Variants in TMEM87A observed in about 807,000 individuals in gnomAD.
TMEM87A encodes transmembrane protein 87A, also known as Golgi-pH regulating cation channel.
Under a neutral mutation model 90.0 loss-of-function variants are expected in TMEM87A, and 50 were observed. The observed-to-expected ratio is 0.56, with a 90% CI of 0.44 to 0.70. The LOEUF (loss-of-function observed/expected upper bound fraction) is 0.70, where lower values mean the gene tolerates loss of function less well. Among genes scored for constraint, TMEM87A ranks in the 30% least tolerant of loss-of-function variants. The pLI, the probability that TMEM87A is intolerant of heterozygous loss-of-function variation, is 0.00. For synonymous variants in TMEM87A, 226 were observed against 226.7 expected, an observed-to-expected ratio of 1.00 and a Z score of 0.03; for missense variants, 577 against 660.5, an observed-to-expected ratio of 0.87 and a Z score of 1.39.
At chr15:42,262,601 G>C (rs1230899060) in intron 4 of TMEM87A, among the ~76,000 whole-genome samples, 3 of 151,892 alleles carry the variant, frequency 2.0e-5, no homozygotes, top group East Asian at 3.9e-4. Context: ...TTTTTTTGTA[G>C]AGACAGGGTT....
At chr15:42,222,493 G>A (rs1251198702) in intron 15 of TMEM87A, among the ~76,000 whole-genome samples, 1 of 152,078 alleles carries the variant, frequency 6.6e-6, no homozygotes, top group East Asian at 1.9e-4. Context: ...ACTGATGCAG[G>A]AGCAGAACAG....
rs534383749 is a variant in TMEM87A at position 42,227,903 on chromosome 15, T to C, written c.1241-134A>G. ...TACATCACAACTCTATCAGTTATTT[T>C]AACAAATGTATTCAATACAAAAGGA... On this transcript the variant is annotated intron_variant, in intron 13 of 19. Coordinates refer to ENST00000389834, the MANE Select transcript of TMEM87A (RefSeq NM_015497.5). 10 of 721,330 alleles carry C rather than the reference T, an allele frequency of 1.4e-5. No individual in the cohort carries two copies. In the Admixed American group the frequency reaches 2.1e-4, roughly 15 times the overall value. The allele number at this position is 721,330 out of a possible 1,614,324, so 44.7% of individuals were successfully genotyped here. A position where few individuals can be genotyped will look rare whatever the true frequency, so the allele number is the denominator to read the frequency against.
At chr15:42,249,613 G>C (rs773119324) in intron 6 of TMEM87A, among the ~76,000 whole-genome samples, 4 of 152,216 alleles carry the variant, frequency 2.6e-5, no homozygotes, top group Non-Finnish European at 4.4e-5. Context: ...TCTTAATCTT[G>C]AGTTCTAATT....
chr15:42,231,256 T>C lies in TMEM87A; in HGVS notation c.1067A>G (p.Gln356Arg), dbSNP rs1485942578. 1.3e-6 allele frequency: 2 copies of C among 1,574,190 alleles called. No individual in the cohort carries two copies. Among genetic ancestry groups the C allele is most frequent in the South Asian group, 1.2e-5 (1 of 84,396 alleles). Reference protein sequence around the residue: ...MEGVLRVTGAQTDLASLAFIP... With the variant: ...MEGVLRVTGARTDLASLAFIP... ...AAAGGCCAAGGAAGCAAGATCAGTC[T>C]GGGCCTGCAGACAAAGAAAAAGAAG... The change falls in exon 12 of 20, where the codon CAG becomes CGG. Residue 356 changes from glutamine to arginine, a missense_variant. Physicochemically the swap from Gln to Arg is conservative, Grantham distance 43. Transcript: ENST00000389834.
intron 11 of TMEM87A, 28 bp downstream of exon 11, chr15:42,233,185 A>G (rs1177855745): frequency 6.4e-7 from 1 of 1,562,346 alleles, no homozygotes; most frequent in African/African-American, 1.4e-5. Flanking sequence ...TGAACTGACC[A>G]CAGAAAATGA....
chr15:42,214,131 G>GGAAC (rs1457261400), intron 19 of TMEM87A, among the ~76,000 whole-genome samples: 1 of 151,968 alleles, frequency 6.6e-6, no homozygotes, highest in Non-Finnish European at 1.5e-5. Flanking sequence ...ATCCGGGGGG[G>GGAAC]GAACACACAA....
rs191681519 is a variant in TMEM87A, at chr15:42,222,795, G to C, written c.1404-2660C>G. Among the ~76,000 whole-genome samples the C allele has an allele frequency of 2.9e-3, 444 of 151,952 alleles. 3 individuals carry two copies. The highest frequency in any genetic ancestry group is 0.01 in the African/African-American group (430 of 41,446). On this transcript the variant is annotated intron_variant, in intron 15 of 19. Coordinates refer to ENST00000389834, the MANE Select transcript of TMEM87A (RefSeq NM_015497.5). ...GGCTGGTCTCGAACTCCTGACCTCA[G>C]GTTGTCCACCCGCCTCAGCCTCCCA...
intron 4 of TMEM87A, among the ~76,000 whole-genome samples, chr15:42,262,438 CTTTTTTT>C (rs146641481): frequency 7.9e-6 from 1 of 125,890 alleles, no homozygotes; most frequent in Non-Finnish European, 1.7e-5. Flanking sequence ...TCAATTATCC[CTTTTTTT>C]TTTTTTTTTT....
chr15:42,265,223 C>A (rs998757685), intron 3 of TMEM87A, among the ~76,000 whole-genome samples: 1 of 151,996 alleles, frequency 6.6e-6, no homozygotes, highest in African/African-American at 2.4e-5. Context: ...GGATATATAC[C>A]CAGTAATGGG....
At chr15:42,235,189 C>A (rs1435155892) in intron 10 of TMEM87A, among the ~76,000 whole-genome samples, 1 of 152,156 alleles carries the variant, frequency 6.6e-6, no homozygotes, top group African/African-American at 2.4e-5. Context: ...CAGGTGCATG[C>A]CACCACAGCC....
rs1414059890 is a variant in TMEM87A at position 42,226,741 on chromosome 15, G to T, written c.1403+65C>A. On this transcript the variant is annotated intron_variant, in intron 15 of 19. Coordinates refer to ENST00000389834, the MANE Select transcript of TMEM87A (RefSeq NM_015497.5). ...CACAGCCCTGATACTGTCCCCCAATGCACCACCCCTAATTGATGACATGGT... is the reference window on the plus strand; with the variant it reads ...CACAGCCCTGATACTGTCCCCCAATTCACCACCCCTAATTGATGACATGGT... 6 of 1,394,202 alleles carry T rather than the reference G, an allele frequency of 4.3e-6. No individual in the cohort carries two copies. The African/African-American group carries it at 8.5e-5, about 20-fold the overall frequency. 86.4% of individuals were successfully genotyped at this position (1,394,202 alleles called of 1,614,324 possible). A position where few individuals can be genotyped will look rare whatever the true frequency, so the allele number is the denominator to read the frequency against.
chr15:42,233,683 C>T (rs1179747350), intron 10 of TMEM87A, among the ~76,000 whole-genome samples: 3 of 152,144 alleles, frequency 2.0e-5, no homozygotes, highest in African/African-American at 7.2e-5. Context: ...TGATGCAAAT[C>T]CTAGACAGTA....
intron 15 of TMEM87A, among the ~76,000 whole-genome samples, chr15:42,221,283 G>GAGAC (rs2050478832): frequency 1.3e-5 from 2 of 151,436 alleles, no homozygotes; most frequent in African/African-American, 4.9e-5. Flanking sequence ...GAGAGAGAGA[G>GAGAC]AGAGAGAGAG....
At chr15:42,262,810 A>G (rs892998914) in intron 4 of TMEM87A, among the ~76,000 whole-genome samples, 1 of 152,222 alleles carries the variant, frequency 6.6e-6, no homozygotes, top group Non-Finnish European at 1.5e-5. Context: ...TTCCAAAATA[A>G]TTTTTAAATA....
At chr15:42,246,791 T>A (rs1282542466) in intron 6 of TMEM87A, among the ~76,000 whole-genome samples, 1 of 152,246 alleles carries the variant, frequency 6.6e-6, no homozygotes, top group Non-Finnish European at 1.5e-5. Context: ...TGATTTATAA[T>A]CATTTGGGTG....
chr15:42,221,482 A>T (rs1432705395), intron 15 of TMEM87A, among the ~76,000 whole-genome samples: 2 of 152,150 alleles, frequency 1.3e-5, no homozygotes, highest in Non-Finnish European at 2.9e-5. Context: ...AATTATCAAA[A>T]ATATATATAT....
At chr15:42,226,960 T>C (rs946442951) in intron 14 of TMEM87A, 51 bp from the exon 15 acceptor site, 1 of 1,540,964 alleles carries the variant, frequency 6.5e-7, no homozygotes, top group Non-Finnish European at 8.9e-7. Context: ...CTTAACCCCT[T>C]GTTCATAAAG....
chr15:42,262,686 G>A (rs1383926985), intron 4 of TMEM87A, among the ~76,000 whole-genome samples: 1 of 151,940 alleles, frequency 6.6e-6, no homozygotes, highest in Non-Finnish European at 1.5e-5. Flanking sequence ...CAAAGTGCTG[G>A]GATTACAGGC....
At chr15:42,227,128 A>G (rs1305860565) in intron 14 of TMEM87A, 3 of 531,372 alleles carry the variant, frequency 5.6e-6, no homozygotes, top group Middle Eastern at 5.1e-4. Context: ...AAATGCATCA[A>G]CGGAACAGAG....
Sources: gnomAD v4.1 joint callset for allele counts (sites outside exome capture counted in the v4.1 genomes callset) on GRCh38, gnomAD v4.1.1 for gene constraint, MANE v1.5 for transcripts, NCBI Gene and HGNC (gene_info 2026-07-23, HGNC 2026-07-21) for gene names.